The following RASA2 variants were observed in gnomAD, a reference collection of about 807,000 sequenced individuals.
RASA2 encodes ras GTPase-activating protein 2.
Under a neutral mutation model 118.2 loss-of-function variants are expected in RASA2, and 155 were observed. The ratio of observed to expected loss-of-function variants is 1.31; its 90% CI spans 1.15 to 1.50. The LOEUF is 1.50. Ranked by LOEUF, RASA2 falls within the 40% of genes most tolerant of loss-of-function variation. The pLI, the probability that RASA2 is intolerant of heterozygous loss-of-function variation, is 0.00. For missense variants in RASA2, 1,016 were observed against 1,009.6 expected, an observed-to-expected ratio of 1.01 and a Z score of -0.09; for synonymous variants, 353 against 349.1, an observed-to-expected ratio of 1.01 and a Z score of -0.12.
rs1339930173 is a variant in RASA2 at position 141,556,616 on chromosome 3, T to A, written c.684+704T>A. Among the ~76,000 whole-genome samples the A allele has an allele frequency of 2.6e-5, 4 of 152,268 alleles. No homozygotes were observed. In the East Asian group the frequency reaches 7.7e-4, roughly 29 times the overall value. On this transcript the variant is annotated intron_variant, in intron 7 of 23. Coordinates refer to ENST00000286364, the MANE Select transcript of RASA2 (RefSeq NM_006506.5). ...GGAGCATTTGTTAAAGAAATCCTTT[T>A]TCATATTATTTGCAAACTACAGAAA...
At chr3:141,569,576 T>C (rs2082880819) in intron 9 of RASA2, among the ~76,000 whole-genome samples, 1 of 152,240 alleles carries the variant, frequency 6.6e-6, no homozygotes, top group Non-Finnish European at 1.5e-5. Context: ...AAAGGAAATA[T>C]GAATACTTGA....
intron 1 of RASA2, among the ~76,000 whole-genome samples, chr3:141,494,483 C>T (rs888653490): frequency 6.6e-6 from 1 of 152,190 alleles, no homozygotes; most frequent in Admixed American, 6.5e-5. Context: ...ATTCTCCTGC[C>T]TCAGCCTCCC....
chr3:141,560,455 T>G (rs1226351784), intron 9 of RASA2, among the ~76,000 whole-genome samples: 1 of 152,194 alleles, frequency 6.6e-6, no homozygotes, highest in Non-Finnish European at 1.5e-5. Flanking sequence ...CCCATTGAAA[T>G]GTACTGTAGA....
intron 17 of RASA2, among the ~76,000 whole-genome samples, chr3:141,584,819 G>C (rs373655597): frequency 3.9e-5 from 6 of 152,106 alleles, no homozygotes; most frequent in African/African-American, 1.4e-4. Context: ...GTTGAGACCA[G>C]AAGTGTTTTG....
At position 141,580,976 on chromosome 3, in the gene RASA2, C is replaced by T. The variant is rs747244855; in HGVS notation, c.1675-124C>T. 229 of 1,071,266 alleles carry T rather than the reference C, an allele frequency of 2.1e-4. 1 individual carries two copies. The highest frequency in any genetic ancestry group is 2.8e-4 in the Non-Finnish European group (224 of 802,306). 66.4% of individuals were successfully genotyped at this position (1,071,266 alleles called of 1,614,324 possible). ...TGAAAGAAGTCTTCCACTCCAAGCC[C>T]TGAACTCTCTGAAAATATATAATTG... On this transcript the variant is annotated intron_variant, in intron 16 of 23. Coordinates refer to ENST00000286364, the MANE Select transcript of RASA2 (RefSeq NM_006506.5).
At chr3:141,527,096 A>G (rs76239500) in intron 3 of RASA2, among the ~76,000 whole-genome samples, 7,080 of 152,274 alleles carry the variant, frequency 0.046, 555 homozygotes, top group African/African-American at 0.16. Flanking sequence ...AAATCAAATC[A>G]GCATTTACAA....
At chr3:141,554,287 C>A (rs2082617264) in intron 6 of RASA2, among the ~76,000 whole-genome samples, 1 of 152,104 alleles carries the variant, frequency 6.6e-6, no homozygotes, top group Non-Finnish European at 1.5e-5. Flanking sequence ...CATGTAAAAT[C>A]CTGTTTTAAT....
Position 141,553,848 on chromosome 3 carries a change from C to T in RASA2, c.528-9C>T. 6.2e-7 allele frequency: 1 copy of T among 1,602,122 alleles called. No individual in the cohort carries two copies. Among genetic ancestry groups the T allele is most frequent in the East Asian group, 2.2e-5 (1 of 44,616 alleles). On this transcript the variant is annotated splice_polypyrimidine_tract_variant and intron_variant, in intron 5 of 23. Coordinates refer to ENST00000286364, the MANE Select transcript of RASA2 (RefSeq NM_006506.5). Reference sequence around the variant, plus strand: ...TCTAATATGTTAAATCTCTTTTATTCTACCTTAGCATCAAGGCATGCCATG... The same window carrying T: ...TCTAATATGTTAAATCTCTTTTATTTTACCTTAGCATCAAGGCATGCCATG...
At chr3:141,607,572 C>G in intron 19 of RASA2, 106 bp from the exon 20 acceptor site, 3 of 1,169,634 alleles carry the variant, frequency 2.6e-6, no homozygotes, top group Non-Finnish European at 3.4e-6. Flanking sequence ...GTTATTTACA[C>G]TCCTACCATC....
chr3:141,487,154 C>A lies in RASA2; in HGVS notation c.71C>A (p.Pro24His). The A allele has an allele frequency of 6.8e-7, 1 of 1,466,646 alleles. No homozygotes were observed. Among genetic ancestry groups the A allele is most frequent in the Non-Finnish European group, 9.1e-7 (1 of 1,101,948 alleles). 90.9% of individuals were successfully genotyped at this position (1,466,646 alleles called of 1,614,324 possible). The change falls in exon 1 of 24, where the codon CCC becomes CAC. Residue 24 changes from proline (P) to histidine (H), a missense_variant. Around this residue, in one of 2 missense-constraint regions of RASA2, gnomAD observed 896 missense variants for 836.4 expected, o/e 1.07. Transcript: ENST00000286364. Reference sequence around the variant, plus strand: ...CCAGCGGCGAGTGCGACTGCAGAGCCCGAGGCCGGGGACCAGGACAGTCGC... The same window carrying A: ...CCAGCGGCGAGTGCGACTGCAGAGCACGAGGCCGGGGACCAGGACAGTCGC... ...EAPAASATAE[P>H]EAGDQDSREV...
intron 10 of RASA2, 107 bp from the exon 11 acceptor site, chr3:141,571,299 A>T (rs111481737): frequency 8.0e-5 from 116 of 1,452,196 alleles, no homozygotes; most frequent in Non-Finnish European, 1.0e-4. Context: ...AATGTCCTGT[A>T]TAACAGCTTT....
At position 141,558,912 on chromosome 3, in the gene RASA2, A is replaced by G. The variant is rs772328328; in HGVS notation, c.711A>G (p.Arg237=). The change falls in exon 8 of 24, where the codon AGA becomes AGG. Residue 237 remains arginine (R), a synonymous_variant. Coordinates refer to ENST00000286364, the MANE Select transcript of RASA2 (RefSeq NM_006506.5). Reference sequence around the variant, plus strand: ...TAACCAGATCCAGTAGTTACACCAGAAAGTCCCAGTTCCAGGTAGAAGAGG... The same window carrying G: ...TAACCAGATCCAGTAGTTACACCAGGAAGTCCCAGTTCCAGGTAGAAGAGG... ...FEVTRSSSYT[R]KSQFQVEEED... is the part of the protein sequence containing the mutation. The G allele has an allele frequency of 1.7e-5, 28 of 1,607,072 alleles. No homozygotes were observed. The highest frequency in any genetic ancestry group is 2.3e-5 in the Non-Finnish European group (27 of 1,174,486).
At chr3:141,574,365 A>G (rs1233065546) in intron 14 of RASA2, among the ~76,000 whole-genome samples, 6 of 151,392 alleles carry the variant, frequency 4.0e-5, no homozygotes, top group African/African-American at 1.5e-4. Flanking sequence ...AATTTTTTAT[A>G]TTTTTAGTAG....
At chr3:141,586,569 A>C in intron 18 of RASA2, 77 bp from the exon 19 acceptor site, 4 of 941,532 alleles carry the variant, frequency 4.2e-6, no homozygotes, top group Non-Finnish European at 4.8e-6. Flanking sequence ...ATGTCATTTA[A>C]AGTTAAAGGA....
rs2083693946 is a variant in RASA2 at position 141,614,239 on chromosome 3, T to C, written c.*1926T>C. On this transcript the variant is annotated 3_prime_UTR_variant, in exon 24 of 24. Coordinates refer to ENST00000286364, the MANE Select transcript of RASA2 (RefSeq NM_006506.5). ...TATGATCACAGGGACCAAGGCTGTG[T>C]GCATATATAACTCTGGATTTGAAAG... The C allele has an allele frequency of 6.6e-6, 1 of 152,170 alleles. No individual in the cohort carries two copies. Among genetic ancestry groups the C allele is most frequent in the South Asian group, 2.1e-4 (1 of 4,832 alleles). 9.4% of individuals were successfully genotyped at this position (152,170 alleles called of 1,614,324 possible).
At chr3:141,570,311 C>G (rs939990973) in intron 9 of RASA2, among the ~76,000 whole-genome samples, 2 of 152,046 alleles carry the variant, frequency 1.3e-5, no homozygotes, top group Non-Finnish European at 2.9e-5. Flanking sequence ...AACTCCGCCT[C>G]CTGAGTTCAA....
intron 5 of RASA2, among the ~76,000 whole-genome samples, chr3:141,548,928 T>A (rs2082528747): frequency 6.6e-6 from 1 of 152,150 alleles, no homozygotes; most frequent in Non-Finnish European, 1.5e-5. Flanking sequence ...GAAAATGACC[T>A]CTTCCTCTGT....
intron 6 of RASA2, among the ~76,000 whole-genome samples, chr3:141,554,926 G>A (rs183540993): frequency 1.2e-3 from 185 of 152,122 alleles, no homozygotes; most frequent in African/African-American, 4.0e-3. Context: ...AAATTATTTG[G>A]TAACATACAG....
In RASA2 at chr3:141,512,158, A is replaced by G; in HGVS notation, c.134-5A>G. On this transcript the variant is annotated splice_polypyrimidine_tract_variant and splice_region_variant and intron_variant, in intron 1 of 23. Transcript: ENST00000286364. ...TAATAACAATTTTAAATTTTATGCC[A>G]ACAGGTGAAGCAAAAAATTTATTGC... is the stretch of plus-strand genomic sequence containing the variant. 1 of 1,593,478 alleles carries G rather than the reference A, an allele frequency of 6.3e-7. No homozygotes were observed. Among genetic ancestry groups the G allele is most frequent in the Non-Finnish European group, 8.6e-7 (1 of 1,163,998 alleles).
Sources: allele counts gnomAD v4.1 joint callset (sites outside exome capture counted in the v4.1 genomes callset), GRCh38; gene constraint gnomAD v4.1.1; regional missense constraint gnomAD v4.1.1; transcripts MANE v1.5; gene names NCBI Gene and HGNC (gene_info 2026-07-23, HGNC 2026-07-21).